The following AGTPBP1 variants were observed in gnomAD, a reference collection of about 807,000 sequenced individuals.
The protein encoded by AGTPBP1 is cytosolic carboxypeptidase 1.
Under a neutral mutation model 143.9 loss-of-function variants are expected in AGTPBP1, and 70 were observed. The observed-to-expected ratio is 0.49, with a 90% CI of 0.40 to 0.59. The LOEUF is 0.59. Among genes scored for constraint, AGTPBP1 ranks in the 20% least tolerant of loss-of-function variants. The probability of loss-of-function intolerance (pLI) is 0.00; values close to 1 mark genes in which losing one functional copy is unlikely to be tolerated. For synonymous variants in AGTPBP1, 463 were observed against 500.2 expected (o/e 0.93, Z 0.99); for missense variants, 1,229 against 1,464.5 (o/e 0.84, Z 2.62).
the AGTPBP1 span, among the ~76,000 whole-genome samples, chr9:85,801,031 G>A: frequency 6.6e-6 from 1 of 151,934 alleles, no homozygotes; most frequent in Non-Finnish European, 1.5e-5. Context: ...TAATTTTTGG[G>A]CCGGGTACTG....
At chr9:85,620,995 A>C (rs1288770006) in intron 15 of AGTPBP1, among the ~76,000 whole-genome samples, 1 of 152,224 alleles carries the variant, frequency 6.6e-6, no homozygotes, top group East Asian at 1.9e-4. Context: ...GATAGAGTTA[A>C]GTAGGTAAAC....
At chr9:85,600,591 G>T (rs1051288989) in intron 17 of AGTPBP1, among the ~76,000 whole-genome samples, 1 of 152,084 alleles carries the variant, frequency 6.6e-6, no homozygotes, top group African/African-American at 2.4e-5. Context: ...CAGGAAAAGG[G>T]TAAGTGAGAT....
At chr9:85,613,061 G>C (rs1830413536) in intron 17 of AGTPBP1, among the ~76,000 whole-genome samples, 1 of 151,858 alleles carries the variant, frequency 6.6e-6, no homozygotes, top group Non-Finnish European at 1.5e-5. Flanking sequence ...GAAAGAATGA[G>C]AAAAGTCTTC....
chr9:85,797,192 C>T, the AGTPBP1 span, among the ~76,000 whole-genome samples: 1 of 152,066 alleles, frequency 6.6e-6, no homozygotes, highest in African/African-American at 2.4e-5. Context: ...GATGATAGCC[C>T]ACTGCAGCCT....
At chr9:85,701,231 T>G (rs967544596) in intron 2 of AGTPBP1, among the ~76,000 whole-genome samples, 1 of 150,340 alleles carries the variant, frequency 6.7e-6, no homozygotes, top group South Asian at 2.1e-4. Context: ...TTATTTTTAT[T>G]TTTTAATTTT....
rs756291544 is a variant in AGTPBP1 at position 85,677,629 on chromosome 9, A to C, written c.290-47T>G. 3 of 1,430,056 alleles carry C rather than the reference A, an allele frequency of 2.1e-6. No individual in the cohort carries two copies. The African/African-American group carries it at 4.5e-5, about 21-fold the overall frequency. 88.6% of individuals were successfully genotyped at this position (1,430,056 alleles called of 1,614,324 possible). On this transcript the variant is annotated intron_variant, in intron 5 of 25. Transcript: ENST00000357081. ...AATTTAAACAACAAATTAAAAAAAA[A>C]TTAACAAATTTAAACAAACATATTA...
At chr9:85,652,702 A>T (rs955887546) in intron 11 of AGTPBP1, among the ~76,000 whole-genome samples, 1 of 152,106 alleles carries the variant, frequency 6.6e-6, no homozygotes, top group African/African-American at 2.4e-5. Flanking sequence ...CCATAAGTAG[A>T]GTGTTCCTGA....
intron 20 of AGTPBP1, among the ~76,000 whole-genome samples, 157 bp downstream of exon 20, chr9:85,589,371 A>AG (rs1828812023): frequency 6.6e-6 from 1 of 152,142 alleles, no homozygotes; most frequent in Non-Finnish European, 1.5e-5. Flanking sequence ...TGAGGCCCAG[A>AG]GGTGGGCTCA....
the AGTPBP1 span, chr9:85,756,083 A>T: frequency 2.6e-6 from 4 of 1,541,550 alleles, no homozygotes; most frequent in African/African-American, 1.4e-5. Flanking sequence ...GAAATTGGAT[A>T]AGCAAAAGAA....
the AGTPBP1 span, among the ~76,000 whole-genome samples, chr9:85,800,761 C>A: frequency 2.0e-5 from 3 of 151,286 alleles, no homozygotes; most frequent in African/African-American, 4.9e-5. Flanking sequence ...AATAGAATAA[C>A]CATACCTAAC....
chr9:85,741,850 C>A lies in AGTPBP1; in HGVS notation c.-109G>T. The A allele has an allele frequency of 7.2e-7, 1 of 1,398,402 alleles. No homozygotes were observed. The highest frequency in any genetic ancestry group is 9.3e-7 in the Non-Finnish European group (1 of 1,077,660). 86.6% of individuals were successfully genotyped at this position (1,398,402 alleles called of 1,614,324 possible). A position where few individuals can be genotyped will look rare whatever the true frequency, so the allele number is the denominator to read the frequency against. On this transcript the variant is annotated 5_prime_UTR_variant, in exon 1 of 26. Transcript: ENST00000357081. The stretch of plus-strand genomic sequence containing the variant: ...CTCAGCACCTGGATCACGGCGGATC[C>A]CTCGCCGCCCGCCGCCCGGTGTTTT...
chr9:85,800,293 A>T, the AGTPBP1 span, among the ~76,000 whole-genome samples: 1 of 152,128 alleles, frequency 6.6e-6, no homozygotes, highest in African/African-American at 2.4e-5. Context: ...ATTCACAGTG[A>T]ATTCTCCTTT....
intron 7 of AGTPBP1, 124 bp downstream of exon 7, chr9:85,672,426 G>A (rs1834543525): frequency 4.5e-6 from 5 of 1,102,968 alleles, no homozygotes; most frequent in East Asian, 2.6e-5. Flanking sequence ...GTTAAAATGA[G>A]CCATATTAAA....
intron 2 of AGTPBP1, among the ~76,000 whole-genome samples, chr9:85,708,297 C>G (rs1193408761): frequency 6.6e-6 from 1 of 152,102 alleles, no homozygotes; most frequent in Non-Finnish European, 1.5e-5. Context: ...TGGGCCCACA[C>G]AGATAATCTA....
At chr9:85,739,938 G>A (rs1824126506) in intron 1 of AGTPBP1, among the ~76,000 whole-genome samples, 1 of 151,824 alleles carries the variant, frequency 6.6e-6, no homozygotes. Context: ...GGTAGGGGCA[G>A]GTTGCAGTGA....
the AGTPBP1 span, among the ~76,000 whole-genome samples, chr9:85,791,071 G>A: frequency 6.6e-6 from 1 of 152,062 alleles, no homozygotes; most frequent in African/African-American, 2.4e-5. Context: ...GTCCAGTGTG[G>A]TAAATATTGT....
chr9:85,610,400 C>A (rs2133423122), intron 17 of AGTPBP1, among the ~76,000 whole-genome samples: 1 of 152,246 alleles, frequency 6.6e-6, no homozygotes. Flanking sequence ...ATTCTCTTTA[C>A]AATTGAAAAT....
intron 1 of AGTPBP1, chr9:85,741,160 G>C: frequency 1.0e-6 from 1 of 954,322 alleles, no homozygotes; most frequent in Non-Finnish European, 1.2e-6. Context: ...TCTGATTCAG[G>C]TTCAAACCAA....
At chr9:85,575,585 G>T in intron 24 of AGTPBP1, 110 bp from the exon 25 acceptor site, 1 of 893,470 alleles carries the variant, frequency 1.1e-6, no homozygotes. Context: ...AAAATTAAAA[G>T]GCTGGTACTT....
Sources: gnomAD v4.1 joint callset for allele counts (sites outside exome capture counted in the v4.1 genomes callset) on GRCh38, gnomAD v4.1.1 for gene constraint, MANE v1.5 for transcripts, NCBI Gene and HGNC (gene_info 2026-07-23, HGNC 2026-07-21) for gene names.